The following PRR16 variants were observed in gnomAD, a reference collection of about 807,000 sequenced individuals.
PRR16 encodes the protein protein Largen.
A neutral mutation model predicts 18.2 loss-of-function variants in PRR16; 6 were observed. The observed-to-expected ratio is 0.33, with a 90% CI of 0.18 to 0.65. The LOEUF (loss-of-function observed/expected upper bound fraction) is 0.65, where lower values mean the gene tolerates loss of function less well. Ranked by LOEUF, PRR16 falls within the 30% of genes least tolerant of loss-of-function variation. PRR16 has a pLI of 0.74. For synonymous variants in PRR16, 151 were observed against 147.8 expected (o/e 1.02, Z -0.16); for missense variants, 412 against 376.6 (o/e 1.09, Z -0.78).
chr5:120,782,253 C>T, the PRR16 span, among the ~76,000 whole-genome samples: 1 of 152,106 alleles, frequency 6.6e-6, no homozygotes, highest in African/African-American at 2.4e-5. Flanking sequence ...GACCAGTTGA[C>T]CAGTGCATTT....
chr5:120,683,026 T>C (rs558517666), intron 1 of PRR16, among the ~76,000 whole-genome samples: 66 of 152,216 alleles, frequency 4.3e-4, no homozygotes, highest in African/African-American at 1.5e-3. Context: ...CAAGAAGAAA[T>C]AATGGTTTGT....
chr5:120,694,531 A>C, the PRR16 span, among the ~76,000 whole-genome samples: 2 of 152,016 alleles, frequency 1.3e-5, no homozygotes, highest in Admixed American at 6.6e-5. Context: ...AAAAATACAA[A>C]AAATTAGCCG....
At chr5:120,506,407 C>G (rs1266744477) in intron 1 of PRR16, among the ~76,000 whole-genome samples, 1 of 151,638 alleles carries the variant, frequency 6.6e-6, no homozygotes, top group Non-Finnish European at 1.5e-5. Flanking sequence ...GAGATATGGC[C>G]TGATGTACAA....
At chr5:120,737,182 G>C in the PRR16 span, among the ~76,000 whole-genome samples, 3 of 152,168 alleles carry the variant, frequency 2.0e-5, no homozygotes, top group Admixed American at 1.3e-4. Flanking sequence ...GGACATCCTT[G>C]CTTTAGTCCT....
At chr5:120,660,124 A>G (rs1248580299) in intron 1 of PRR16, among the ~76,000 whole-genome samples, 1 of 152,084 alleles carries the variant, frequency 6.6e-6, no homozygotes, top group African/African-American at 2.4e-5. Context: ...GAATAAGGAC[A>G]GTATAAGACA....
chr5:120,694,326 T>TA, the PRR16 span, among the ~76,000 whole-genome samples: 1 of 152,214 alleles, frequency 6.6e-6, no homozygotes, highest in African/African-American at 2.4e-5. Context: ...CCTTACCAAT[T>TA]CATCTGTAGA....
chr5:120,754,137 T>TAATATATATTATATA, the PRR16 span, among the ~76,000 whole-genome samples: 1 of 100,436 alleles, frequency 1.0e-5, no homozygotes, highest in Non-Finnish European at 1.9e-5. Flanking sequence ...ATATTCCGCT[T>TAATATATATTATATA]AATATATAAT....
chr5:120,750,732 A>T, the PRR16 span, among the ~76,000 whole-genome samples: 1 of 152,144 alleles, frequency 6.6e-6, no homozygotes, highest in Admixed American at 6.5e-5. Flanking sequence ...ATTTTGATAT[A>T]AGAATTCAAT....
chr5:120,754,378 A>T, the PRR16 span, among the ~76,000 whole-genome samples: 2 of 34,142 alleles, frequency 5.9e-5, no homozygotes, highest in Non-Finnish European at 9.2e-5. Flanking sequence ...ATAATATATA[A>T]CATATATATT....
intron 1 of PRR16, among the ~76,000 whole-genome samples, chr5:120,546,455 A>AT (rs1358371279): frequency 7.9e-5 from 12 of 152,086 alleles, no homozygotes; most frequent in Admixed American, 7.2e-4. Context: ...ATTGCCTGTT[A>AT]TTAGCAGGAA....
the PRR16 span, among the ~76,000 whole-genome samples, chr5:120,751,946 A>G: frequency 6.6e-6 from 1 of 152,046 alleles, no homozygotes; most frequent in African/African-American, 2.4e-5. Context: ...TTCTTTATTT[A>G]GATAGTTCAA....
intron 1 of PRR16, among the ~76,000 whole-genome samples, chr5:120,568,930 C>T (rs973866810): frequency 6.6e-6 from 1 of 152,026 alleles, no homozygotes; most frequent in African/African-American, 2.4e-5. Context: ...ACAATAGCAT[C>T]ACCAGCCATC....
At chr5:120,500,113 T>C (rs1341297459) in intron 1 of PRR16, among the ~76,000 whole-genome samples, 2 of 152,230 alleles carry the variant, frequency 1.3e-5, no homozygotes, top group Non-Finnish European at 2.9e-5. Flanking sequence ...CTCTTGTCTT[T>C]TGCTGGTGCA....
the PRR16 span, among the ~76,000 whole-genome samples, chr5:120,765,774 CTATTTCTCACACTCAAGATAA>C: frequency 2.0e-5 from 3 of 151,628 alleles, no homozygotes; most frequent in African/African-American, 7.3e-5. Context: ...CTTTTAGTCA[CTATTTCTCACACTCAAGATAA>C]TTTCTTTCCT....
At chr5:120,679,867 T>A (rs1458856441) in intron 1 of PRR16, among the ~76,000 whole-genome samples, 3 of 152,114 alleles carry the variant, frequency 2.0e-5, no homozygotes, top group Non-Finnish European at 4.4e-5. Flanking sequence ...TGGGGAAATG[T>A]AGGTCAAAGG....
intron 1 of PRR16, among the ~76,000 whole-genome samples, chr5:120,482,166 A>T (rs535252266): frequency 2.2e-4 from 33 of 152,236 alleles, no homozygotes; most frequent in African/African-American, 7.9e-4. Context: ...CAGGGGGTAC[A>T]TGTGCAGGTT....
At chr5:120,591,015 C>T (rs1026600185) in intron 1 of PRR16, among the ~76,000 whole-genome samples, 1 of 152,000 alleles carries the variant, frequency 6.6e-6, no homozygotes, top group African/African-American at 2.4e-5. Flanking sequence ...TGTGGTGTCT[C>T]ACGCCTGTAA....
At chr5:120,772,796 C>G in the PRR16 span, among the ~76,000 whole-genome samples, 4 of 152,104 alleles carry the variant, frequency 2.6e-5, no homozygotes, top group Non-Finnish European at 5.9e-5. Context: ...CCATGGCTCT[C>G]TAAATATTTG....
the PRR16 span, among the ~76,000 whole-genome samples, chr5:120,785,372 C>G: frequency 2.6e-5 from 4 of 152,002 alleles, no homozygotes; most frequent in African/African-American, 9.7e-5. Flanking sequence ...TACAAGAATG[C>G]CCAGCATCAA....
Sources: gnomAD v4.1 joint callset for allele counts (sites outside exome capture counted in the v4.1 genomes callset) on GRCh38, gnomAD v4.1.1 for gene constraint, MANE v1.5 for transcripts, NCBI Gene and HGNC (gene_info 2026-07-23, HGNC 2026-07-21) for gene names.